The following ATM variants were observed in gnomAD, a reference collection of about 807,000 sequenced individuals.
ATM encodes the protein serine-protein kinase ATM.
In ATM, 308 loss-of-function variants were observed where a neutral mutation model predicts 387.0. That is an observed-to-expected ratio of 0.80 (90% CI 0.73 to 0.87). The LOEUF is 0.87. ATM is among the 40% of genes least tolerant of loss of function. The pLI is 0.00. For synonymous variants in ATM, 1,156 were observed against 1,187.3 expected (o/e 0.97, Z 0.54); for missense variants, 3,312 against 3,560.9 (o/e 0.93, Z 1.78).
intron 56 of ATM, among the ~76,000 whole-genome samples, chr11:108,338,693 A>C (rs1185370915): frequency 6.7e-6 from 1 of 149,374 alleles, no homozygotes; most frequent in Non-Finnish European, 1.5e-5. Context: ...AACCCAGATA[A>C]TTAATTATTT....
In ATM at chr11:108,335,065, G is replaced by A. The variant is rs1555127236; in HGVS notation, c.8107G>A (p.Asp2703Asn). The change falls in exon 55 of 63, where the codon GAT becomes AAT. Residue 2703 changes from aspartate (D) to asparagine (N), a missense_variant. Physicochemically the swap from Asp to Asn is conservative, Grantham distance 23. Coordinates refer to ENST00000675843, the MANE Select transcript of ATM (RefSeq NM_000051.4). ...AGGTGTAAATTTACCAAAAATAATAGATTGTGTAGGTTCCGATGGCAAGGA... is the reference window on the plus strand; with the variant it reads ...AGGTGTAAATTTACCAAAAATAATAAATTGTGTAGGTTCCGATGGCAAGGA... ...AGGVNLPKIIDCVGSDGKERR... is the reference protein window; with the variant it reads ...AGGVNLPKIINCVGSDGKERR... 1 of 1,614,108 alleles carries A rather than the reference G, an allele frequency of 6.2e-7. No homozygotes were observed. Among genetic ancestry groups the A allele is most frequent in the East Asian group, 2.2e-5 (1 of 44,864 alleles).
chr11:108,305,317 C>T (rs778693332), intron 37 of ATM, among the ~76,000 whole-genome samples: 14 of 152,310 alleles, frequency 9.2e-5, no homozygotes, highest in East Asian at 5.8e-4. Flanking sequence ...CAGTGGCTCA[C>T]GCCTGTAATG....
intron 32 of ATM, chr11:108,295,333 G>A (rs1161567800): frequency 3.7e-6 from 1 of 266,844 alleles, no homozygotes; most frequent in African/African-American, 2.4e-5. Context: ...AAGAGACAGA[G>A]TTTTTTTTTT....
At chr11:108,267,131 A>G (rs2081296964) in intron 16 of ATM, 40 bp from the exon 17 acceptor site, 10 of 1,605,990 alleles carry the variant, frequency 6.2e-6, no homozygotes, top group Non-Finnish European at 7.7e-6. Flanking sequence ...ATGCTCCTGC[A>G]AGAAGCCATC....
At position 108,331,973 on chromosome 11, in the gene ATM, C is replaced by A. The variant is rs1591172186; in HGVS notation, c.7724C>A (p.Pro2575Gln). Residue 2575 changes from proline to glutamine, a missense_variant, in exon 52 of 63, where the codon CCA (proline) becomes CAA (glutamine). By Grantham distance (76) the Pro-to-Gln change is moderately conservative. Transcript: ENST00000675843. ...AACAGAGATGAATTTCTGACTAAAC[C>A]AGAGGTAGCCAGAAGAAGCAGAATA... Reference protein sequence around the residue: ...NANRDEFLTKPEVARRSRITK... With the variant: ...NANRDEFLTKQEVARRSRITK... 6.2e-7 allele frequency: 1 copy of A among 1,613,960 alleles called. No individual in the cohort carries two copies. The highest frequency in any genetic ancestry group is 8.5e-7 in the Non-Finnish European group (1 of 1,179,962).
chr11:108,231,183 T>C (rs1051736532), intron 4 of ATM, among the ~76,000 whole-genome samples: 4 of 152,188 alleles, frequency 2.6e-5, no homozygotes, highest in African/African-American at 9.7e-5. Flanking sequence ...CCCAAAAATA[T>C]TTTTTTCTCC....
intron 40 of ATM, among the ~76,000 whole-genome samples, chr11:108,313,660 G>A (rs183175685): frequency 2.6e-5 from 4 of 151,970 alleles, no homozygotes; most frequent in South Asian, 2.1e-4. Flanking sequence ...TTGGAATATC[G>A]TGTGTGTACT....
chr11:108,285,523 C>G (rs980907341), intron 26 of ATM, among the ~76,000 whole-genome samples: 1 of 151,944 alleles, frequency 6.6e-6, no homozygotes, highest in Admixed American at 6.6e-5. Context: ...GTGGTCACCC[C>G]ACATTTATGT....
intron 61 of ATM, among the ~76,000 whole-genome samples, chr11:108,360,426 A>G (rs1309095235): frequency 3.1e-4 from 44 of 140,524 alleles, no homozygotes; most frequent in Non-Finnish European, 6.1e-4. Flanking sequence ...AAAAGAGGGA[A>G]TCCTCCCTAA....
chr11:108,357,597 G>A (rs1425410787), intron 61 of ATM, among the ~76,000 whole-genome samples: 8 of 152,012 alleles, frequency 5.3e-5, no homozygotes, highest in African/African-American at 9.7e-5. Flanking sequence ...GCTGGAGATC[G>A]GACAACAGGC....
At chr11:108,312,527 A>G (rs372754868) in intron 40 of ATM, 29 bp downstream of exon 40, 19 of 1,464,534 alleles carry the variant, frequency 1.3e-5, no homozygotes, top group Admixed American at 3.4e-5. Context: ...ATTATTTATG[A>G]CAGTATTTAT....
chr11:108,365,048 T>A (rs530540893), intron 61 of ATM, 34 bp from the exon 62 acceptor site: 8 of 1,609,672 alleles, frequency 5.0e-6, no homozygotes, highest in Non-Finnish European at 6.8e-6. Flanking sequence ...AAAATGTACA[T>A]TGTTCTTTTA....
intron 9 of ATM, among the ~76,000 whole-genome samples, chr11:108,249,589 AT>A (rs1433913340): frequency 3.9e-5 from 6 of 152,328 alleles, no homozygotes; most frequent in African/African-American, 1.4e-4. Context: ...AATCAAATAA[AT>A]TATGGATACT....
Position 108,310,372 on chromosome 11 carries a change from G to A in ATM, c.5918+57G>A, listed in dbSNP as rs906718192. ...ATTAATGTTGGCATTGTCTCAATAAGGGTATATAGTAAAGATTTATTTTGC... is the reference window on the plus strand; with the variant it reads ...ATTAATGTTGGCATTGTCTCAATAAAGGTATATAGTAAAGATTTATTTTGC... On this transcript the variant is annotated intron_variant, in intron 39 of 62. Transcript: ENST00000675843. 53 of 1,507,126 alleles carry A rather than the reference G, an allele frequency of 3.5e-5. No homozygotes were observed. The African/African-American group carries it at 5.9e-4, about 17-fold the overall frequency. The allele number at this position is 1,507,126 out of a possible 1,614,324, so 93.4% of individuals were successfully genotyped here. A position where few individuals can be genotyped will look rare whatever the true frequency, so the allele number is the denominator to read the frequency against.
chr11:108,265,417 A>G (rs1167103974), intron 16 of ATM, among the ~76,000 whole-genome samples: 1 of 152,202 alleles, frequency 6.6e-6, no homozygotes, highest in East Asian at 1.9e-4. Flanking sequence ...TGCTGGGAAA[A>G]CTGGCTAGCC....
At chr11:108,277,963 G>T (rs2082036224) in intron 22 of ATM, among the ~76,000 whole-genome samples, 2 of 151,920 alleles carry the variant, frequency 1.3e-5, no homozygotes, top group South Asian at 4.1e-4. Context: ...TCTGTTCATT[G>T]TTGTATTTTT....
At chr11:108,351,995 A>C (rs2089263895) in intron 59 of ATM, among the ~76,000 whole-genome samples, 1 of 152,222 alleles carries the variant, frequency 6.6e-6, no homozygotes, top group East Asian at 1.9e-4. Flanking sequence ...CCAATTGGGG[A>C]ATCTAGTCTT....
At chr11:108,236,622 C>A (rs1293683477) in intron 5 of ATM, 3 of 151,486 alleles carry the variant, frequency 2.0e-5, no homozygotes, top group Non-Finnish European at 4.4e-5. Context: ...GGATAAGACA[C>A]AAAAGTATCC....
At chr11:108,255,588 G>A (rs2080425622) in intron 13 of ATM, among the ~76,000 whole-genome samples, 1 of 151,866 alleles carries the variant, frequency 6.6e-6, no homozygotes, top group Admixed American at 6.6e-5. Context: ...ATCACGCCCT[G>A]CTAATATTTG....
Sources: allele counts gnomAD v4.1 joint callset (sites outside exome capture counted in the v4.1 genomes callset), GRCh38; gene constraint gnomAD v4.1.1; transcripts MANE v1.5; gene names NCBI Gene and HGNC (gene_info 2026-07-23, HGNC 2026-07-21).